The following PLEKHM3 variants were observed in gnomAD, a reference collection of about 807,000 sequenced individuals.
PLEKHM3 encodes pleckstrin homology domain containing M3, also known as pleckstrin homology domain-containing family M member 3.
PLEKHM3 carries 45 observed loss-of-function variants against 81.8 expected under a neutral mutation model. That is an observed-to-expected ratio of 0.55 (90% CI 0.43 to 0.71). The LOEUF (loss-of-function observed/expected upper bound fraction) is 0.71. Ranked by LOEUF, PLEKHM3 falls within the 30% of genes least tolerant of loss-of-function variation. PLEKHM3 has a pLI of 0.00. For synonymous variants in PLEKHM3, 352 were observed against 356.4 expected (o/e 0.99, Z 0.14); for missense variants, 788 against 924.3 (o/e 0.85, Z 1.91).
At chr2:207,858,172 GTGTATA>G (rs1310371719) in intron 7 of PLEKHM3, among the ~76,000 whole-genome samples, 5 of 77,296 alleles carry the variant, frequency 6.5e-5, no homozygotes, top group African/African-American at 2.6e-4. Context: ...GTGTGTGTGT[GTGTATA>G]TATTTTTTTT....
intron 6 of PLEKHM3, among the ~76,000 whole-genome samples, chr2:207,891,479 A>G (rs1688058271): frequency 1.3e-5 from 2 of 152,230 alleles, no homozygotes; most frequent in Admixed American, 1.3e-4. Flanking sequence ...GGGTGCCGGC[A>G]AGATACAAAC....
intron 3 of PLEKHM3, among the ~76,000 whole-genome samples, chr2:207,960,553 C>T (rs957836488): frequency 4.6e-5 from 7 of 152,192 alleles, no homozygotes; most frequent in African/African-American, 1.7e-4. Flanking sequence ...CATCTTCCTG[C>T]CTCTTGGCAT....
intron 5 of PLEKHM3, among the ~76,000 whole-genome samples, chr2:207,923,453 C>T (rs956182129): frequency 5.3e-5 from 8 of 151,680 alleles, no homozygotes; most frequent in Non-Finnish European, 1.2e-4. Context: ...ACAAAAAACA[C>T]AAAATTAGCT....
At chr2:207,909,204 C>A (rs772557563) in intron 5 of PLEKHM3, among the ~76,000 whole-genome samples, 2 of 152,162 alleles carry the variant, frequency 1.3e-5, no homozygotes, top group Non-Finnish European at 2.9e-5. Flanking sequence ...AATTAGGACT[C>A]TTCAACAAAG....
intron 5 of PLEKHM3, among the ~76,000 whole-genome samples, chr2:207,920,484 G>A (rs1229000793): frequency 6.6e-6 from 1 of 152,108 alleles, no homozygotes; most frequent in African/African-American, 2.4e-5. Flanking sequence ...GCACTCAGAA[G>A]AGAAAATATG....
chr2:207,939,810 T>A (rs1244947704), intron 4 of PLEKHM3, among the ~76,000 whole-genome samples: 1 of 152,200 alleles, frequency 6.6e-6, no homozygotes, highest in Non-Finnish European at 1.5e-5. Flanking sequence ...TTCCTTCATG[T>A]AAGTGATACT....
chr2:207,976,543 C>A lies in PLEKHM3; in HGVS notation c.1546+108G>T. On this transcript the variant is annotated intron_variant, in intron 3 of 7. Transcript: ENST00000427836. The surrounding 1 kb of genome is among the most constrained non-coding windows in gnomAD (Gnocchi z 4.1). Reference sequence around the variant, plus strand: ...CTCGAGGAGAGATACTTTTTATAAACAGGAGATAGCTGTGACTAGCCTATT... The same window carrying A: ...CTCGAGGAGAGATACTTTTTATAAAAAGGAGATAGCTGTGACTAGCCTATT... 1 of 1,050,042 alleles carries A rather than the reference C, an allele frequency of 9.5e-7. No individual in the cohort carries two copies. The highest frequency in any genetic ancestry group is 2.5e-5 in the East Asian group (1 of 39,540). The allele number at this position is 1,050,042 out of a possible 1,614,324, so 65.0% of individuals were successfully genotyped here. A position where few individuals can be genotyped will look rare whatever the true frequency, so the allele number is the denominator to read the frequency against.
At chr2:207,856,402 T>C (rs2092437963) in intron 7 of PLEKHM3, among the ~76,000 whole-genome samples, 1 of 152,228 alleles carries the variant, frequency 6.6e-6, no homozygotes, top group Admixed American at 6.5e-5. Context: ...TAATGTCATG[T>C]ATACACCACT....
At chr2:207,909,264 T>C (rs1394757864) in intron 5 of PLEKHM3, among the ~76,000 whole-genome samples, 2 of 152,180 alleles carry the variant, frequency 1.3e-5, no homozygotes, top group Non-Finnish European at 2.9e-5. Flanking sequence ...TAGATGACAA[T>C]GAATGAACAG....
At chr2:207,858,487 T>A (rs892493721) in intron 7 of PLEKHM3, among the ~76,000 whole-genome samples, 4 of 132,910 alleles carry the variant, frequency 3.0e-5, no homozygotes, top group Non-Finnish European at 6.3e-5. Context: ...TAAACATGAT[T>A]TTTTTTTTTT....
In PLEKHM3 at chr2:208,001,715, G is replaced by A; in HGVS notation, c.-76C>T. The A allele has an allele frequency of 6.5e-7, 1 of 1,531,678 alleles. No individual in the cohort carries two copies. Among genetic ancestry groups the A allele is most frequent in the Non-Finnish European group, 8.7e-7 (1 of 1,147,818 alleles). 94.9% of individuals were successfully genotyped at this position (1,531,678 alleles called of 1,614,324 possible). A position where few individuals can be genotyped will look rare whatever the true frequency, so the allele number is the denominator to read the frequency against. Reference sequence around the variant, plus strand: ...TTCATGAACATTCACCCAACCAAGAGGGGTGCTTCAGCAATAGAGCTATGG... The same window carrying A: ...TTCATGAACATTCACCCAACCAAGAAGGGTGCTTCAGCAATAGAGCTATGG... On this transcript the variant is annotated 5_prime_UTR_variant, in exon 2 of 8. Transcript: ENST00000427836.
chr2:207,846,372 C>T (rs1456278964), intron 7 of PLEKHM3, among the ~76,000 whole-genome samples: 3 of 151,944 alleles, frequency 2.0e-5, no homozygotes, highest in African/African-American at 7.3e-5. Flanking sequence ...GAACTCCTGA[C>T]CTCATGATCC....
intron 4 of PLEKHM3, among the ~76,000 whole-genome samples, chr2:207,945,148 G>A (rs1222529586): frequency 6.6e-6 from 1 of 152,116 alleles, no homozygotes; most frequent in African/African-American, 2.4e-5. Context: ...TGAGCTATCA[G>A]CATCTGTCAC....
intron 6 of PLEKHM3, among the ~76,000 whole-genome samples, chr2:207,884,021 AGGCATGGT>A (rs1687796796): frequency 6.6e-6 from 1 of 152,156 alleles, no homozygotes; most frequent in African/African-American, 2.4e-5. Flanking sequence ...TCAACAGGCC[AGGCATGGT>A]GGCTCACGCC....
intron 3 of PLEKHM3, among the ~76,000 whole-genome samples, chr2:207,946,768 T>A (rs574881607): frequency 1.3e-5 from 2 of 152,298 alleles, no homozygotes; most frequent in South Asian, 4.1e-4. Flanking sequence ...TCTGATTCCA[T>A]CTCTTCTGCA....
At chr2:207,954,782 A>C (rs1382074730) in intron 3 of PLEKHM3, among the ~76,000 whole-genome samples, 1 of 152,252 alleles carries the variant, frequency 6.6e-6, no homozygotes, top group Non-Finnish European at 1.5e-5. Flanking sequence ...TAAGAAATGA[A>C]GTGAAAATCA....
intron 1 of PLEKHM3, among the ~76,000 whole-genome samples, chr2:208,002,688 T>C (rs1275693659): frequency 6.6e-6 from 1 of 152,074 alleles, no homozygotes; most frequent in African/African-American, 2.4e-5. Context: ...CTTACATCTC[T>C]ACCTGGGCAG....
chr2:207,896,964 C>T (rs2105881305), intron 6 of PLEKHM3, among the ~76,000 whole-genome samples: 1 of 152,318 alleles, frequency 6.6e-6, no homozygotes, highest in South Asian at 2.1e-4. Flanking sequence ...ACCAAAAGGT[C>T]ATGCATTCTT....
chr2:208,008,519 A>AAC (rs1406131141), intron 1 of PLEKHM3, among the ~76,000 whole-genome samples: 1 of 144,452 alleles, frequency 6.9e-6, no homozygotes, highest in African/African-American at 2.5e-5. Context: ...AAAAAAAAAA[A>AAC]AAAAAACAGA....
Sources: gnomAD v4.1 joint callset for allele counts (sites outside exome capture counted in the v4.1 genomes callset) on GRCh38, gnomAD v4.1.1 for gene constraint, Gnocchi (gnomAD v3.1) non-coding constraint, MANE v1.5 for transcripts, NCBI Gene and HGNC (gene_info 2026-07-23, HGNC 2026-07-21) for gene names.